The following MFAP1 variants were observed in gnomAD, a reference collection of about 807,000 sequenced individuals.
MFAP1 encodes microfibrillar-associated protein 1.
A neutral mutation model predicts 62.2 loss-of-function variants in MFAP1; 18 were observed. The ratio of observed to expected loss-of-function variants is 0.29; its 90% CI spans 0.20 to 0.43. The LOEUF (loss-of-function observed/expected upper bound fraction) is 0.43. MFAP1 is among the 20% of genes least tolerant of loss of function. The pLI, the probability that MFAP1 is intolerant of heterozygous loss-of-function variation, is 1.00. For missense variants in MFAP1, 355 were observed against 559.7 expected (o/e 0.63, Z 3.69); for synonymous variants, 175 against 180.4 (o/e 0.97, Z 0.24).
Position 43,805,020 on chromosome 15 carries a change from GAAA to G in MFAP1, c.*71_*73del. ...TGGATACAGGGGCCAAGGAAACAAT[GAAA>G]AAACCAAATCAAGGACCAGATGCTG... On this transcript the variant is annotated 3_prime_UTR_variant, in exon 9 of 9. Transcript: ENST00000267812. 6.8e-7 allele frequency: 1 copy of G among 1,473,896 alleles called. No homozygotes were observed. Among genetic ancestry groups the G allele is most frequent in the Non-Finnish European group, 9.1e-7 (1 of 1,094,972 alleles). The allele number at this position is 1,473,896 out of a possible 1,614,324, so 91.3% of individuals were successfully genotyped here.
chr15:43,812,241 C>G (rs2087406450), intron 6 of MFAP1, among the ~76,000 whole-genome samples: 1 of 151,740 alleles, frequency 6.6e-6, no homozygotes, highest in Non-Finnish European at 1.5e-5. Context: ...ATTTAAGTGC[C>G]ACAAATTCTT....
chr15:43,808,723 AG>A (rs2087380742), intron 7 of MFAP1, among the ~76,000 whole-genome samples: 2 of 152,354 alleles, frequency 1.3e-5, no homozygotes, highest in Middle Eastern at 3.4e-3. Flanking sequence ...CTGATTTTGG[AG>A]GGTGGCAGGG....
At chr15:43,819,300 TTTTG>T (rs1244832259) in intron 1 of MFAP1, among the ~76,000 whole-genome samples, 1 of 152,148 alleles carries the variant, frequency 6.6e-6, no homozygotes, top group East Asian at 1.9e-4. Flanking sequence ...AAAATTTTAT[TTTTG>T]TTTGTTATTT....
chr15:43,822,223 C>T (rs1406605843), intron 1 of MFAP1, among the ~76,000 whole-genome samples: 1 of 150,392 alleles, frequency 6.6e-6, no homozygotes, highest in Non-Finnish European at 1.5e-5. Context: ...AAAAAAAGCC[C>T]AGCATCACTA....
At chr15:43,807,961 C>A (rs963795663) in intron 7 of MFAP1, among the ~76,000 whole-genome samples, 4 of 152,092 alleles carry the variant, frequency 2.6e-5, no homozygotes, top group Non-Finnish European at 5.9e-5. Flanking sequence ...CCAGCCTGGG[C>A]TACATAGCAA....
chr15:43,816,777 C>CT (rs1360126719), intron 2 of MFAP1, among the ~76,000 whole-genome samples: 3 of 152,178 alleles, frequency 2.0e-5, no homozygotes, highest in Non-Finnish European at 4.4e-5. Context: ...GGGAGGCTCT[C>CT]TTTCTACCAT....
chr15:43,810,130 G>A (rs693919), intron 6 of MFAP1: 334,018 of 488,360 alleles, frequency 0.68, 118,759 homozygotes, highest in East Asian at 0.75. Flanking sequence ...TTCAAAAGTT[G>A]ATTCTAGCCC....
intron 1 of MFAP1, among the ~76,000 whole-genome samples, chr15:43,818,906 A>G (rs183576787): frequency 1.3e-5 from 2 of 152,064 alleles, no homozygotes. Context: ...ACAAAAATAT[A>G]TATAGCTGGG....
intron 7 of MFAP1, among the ~76,000 whole-genome samples, 180 bp from the exon 8 acceptor site, chr15:43,805,645 C>T (rs2087359443): frequency 6.6e-6 from 1 of 151,774 alleles, no homozygotes; most frequent in Non-Finnish European, 1.5e-5. Context: ...CGGACTCTCG[C>T]TCTGTTGCCC....
intron 6 of MFAP1, among the ~76,000 whole-genome samples, chr15:43,810,963 G>T (rs2087396792): frequency 6.6e-6 from 1 of 150,838 alleles, no homozygotes; most frequent in Non-Finnish European, 1.5e-5. Context: ...CACCATGTTG[G>T]ACAGGCGGGT....
intron 6 of MFAP1, among the ~76,000 whole-genome samples, chr15:43,811,652 GC>G (rs1475271267): frequency 1.3e-5 from 2 of 151,428 alleles, no homozygotes; most frequent in African/African-American, 4.8e-5. Context: ...GGAATAACAG[GC>G]ACACACCACC....
chr15:43,816,167 G>C (rs1176073963), intron 2 of MFAP1, among the ~76,000 whole-genome samples: 1 of 151,914 alleles, frequency 6.6e-6, no homozygotes, highest in Non-Finnish European at 1.5e-5. Context: ...AATTCCACTA[G>C]TAACTATGGT....
intron 8 of MFAP1, 22 bp from the exon 9 acceptor site, chr15:43,805,298 A>T (rs778832865): frequency 1.3e-6 from 2 of 1,596,466 alleles, no homozygotes; most frequent in South Asian, 2.2e-5. Flanking sequence ...ATGGATGATG[A>T]GTTATACCAC....
chr15:43,818,484 C>T (rs2087448203), intron 1 of MFAP1, among the ~76,000 whole-genome samples: 1 of 146,076 alleles, frequency 6.8e-6, no homozygotes, highest in East Asian at 2.0e-4. Flanking sequence ...GCAAATTTAT[C>T]CCAGCAATAT....
In MFAP1 at chr15:43,814,597, C is replaced by T. The variant is rs957793013; in HGVS notation, c.521G>A (p.Arg174His). 7.4e-6 allele frequency: 12 copies of T among 1,614,056 alleles called. No individual in the cohort carries two copies. The highest frequency in any genetic ancestry group is 5.0e-5 in the Admixed American group (3 of 59,996). The change falls in exon 4 of 9, where the codon CGT becomes CAT. Residue 174 changes from arginine (R) to histidine (H), a missense_variant. Around this residue, in one of 6 missense-constraint regions of MFAP1, gnomAD observed 257 missense variants for 341.3 expected, o/e 0.75. Transcript: ENST00000267812. ...MEVMEVEDEG[R>H]SGEESESESE... ...CTCTGATTCTGACTCCTCTCCAGAA[C>T]GACCCTCATCTTCCACTTCCATGAC...
chr15:43,809,900 T>C lies in MFAP1; in HGVS notation c.902A>G (p.Lys301Arg). The C allele has an allele frequency of 6.2e-7, 1 of 1,614,182 alleles. No homozygotes were observed. The highest frequency in any genetic ancestry group is 8.5e-7 in the Non-Finnish European group (1 of 1,180,028). Reference protein sequence around the residue: ...REDREALEKEKAEIERMRNLT... With the variant: ...REDREALEKERAEIERMRNLT... ...GTTTCGCATGCGTTCAATTTCTGCT[T>C]TCTCCTTCTCAAGCCTGTCCAGGGA... Residue 301 changes from lysine (K) to arginine (R), a missense_variant, in exon 7 of 9, where the codon AAA becomes AGA. Lys to Arg is a conservative substitution (Grantham distance 26). This residue lies in a region of MFAP1 where 257 missense variants were observed against 341.3 expected (regional missense o/e 0.75). Coordinates refer to ENST00000267812, the MANE Select transcript of MFAP1 (RefSeq NM_005926.3).
chr15:43,818,991 A>G (rs1341571979), intron 1 of MFAP1, among the ~76,000 whole-genome samples: 1 of 152,220 alleles, frequency 6.6e-6, no homozygotes, highest in African/African-American at 2.4e-5. Flanking sequence ...TAGGAGTTCG[A>G]GACCAGCCTG....
chr15:43,822,396 CAG>C (rs1488413842), intron 1 of MFAP1, among the ~76,000 whole-genome samples: 1 of 152,080 alleles, frequency 6.6e-6, no homozygotes, highest in African/African-American at 2.4e-5. Context: ...TTCTTTGAGA[CAG>C]AGTCTTGCTC....
intron 1 of MFAP1, among the ~76,000 whole-genome samples, chr15:43,823,836 A>C (rs1375446890): frequency 6.6e-6 from 1 of 152,318 alleles, no homozygotes; most frequent in Non-Finnish European, 1.5e-5. Flanking sequence ...TGTTGAGACT[A>C]GATACGGCGG....
Sources: gnomAD v4.1 joint callset for allele counts (sites outside exome capture counted in the v4.1 genomes callset) on GRCh38, gnomAD v4.1.1 for gene constraint, gnomAD v4.1.1 regional missense constraint, MANE v1.5 for transcripts, NCBI Gene and HGNC (gene_info 2026-07-23, HGNC 2026-07-21) for gene names.